Variants in ARL15 observed in about 807,000 individuals in gnomAD.
ARL15 encodes ADP-ribosylation factor-like protein 15.
A neutral mutation model predicts 25.2 loss-of-function variants in ARL15; 19 were observed. The observed-to-expected ratio is 0.75, with a 90% CI of 0.53 to 1.10. ARL15 has a LOEUF of 1.10. Among genes scored for constraint, ARL15 ranks in the 50% least tolerant of loss-of-function variants. The pLI is 0.00. For synonymous variants in ARL15, 94 were observed against 86.8 expected (o/e 1.08, Z -0.46); for missense variants, 220 against 246.0 (o/e 0.89, Z 0.71).
intron 1 of ARL15, among the ~76,000 whole-genome samples, chr5:54,206,227 C>A (rs1017510555): frequency 6.6e-6 from 1 of 152,116 alleles, no homozygotes; most frequent in Non-Finnish European, 1.5e-5. Flanking sequence ...TAGGACTTCT[C>A]GAAGCTTGAA....
intron 4 of ARL15, among the ~76,000 whole-genome samples, chr5:53,931,511 A>G (rs79040568): frequency 0.029 from 4,375 of 152,244 alleles, 243 homozygotes; most frequent in African/African-American, 0.1. Context: ...TTTAAGCTTT[A>G]AGAATAGTCT....
chr5:54,242,004 G>A (rs1031609237), intron 1 of ARL15, among the ~76,000 whole-genome samples: 2 of 152,036 alleles, frequency 1.3e-5, no homozygotes, highest in South Asian at 2.1e-4. Context: ...GGCAGAAATC[G>A]GGCTGAATGA....
At chr5:54,283,820 T>C (rs1306173982) in intron 1 of ARL15, among the ~76,000 whole-genome samples, 3 of 152,214 alleles carry the variant, frequency 2.0e-5, no homozygotes, top group Non-Finnish European at 4.4e-5. Flanking sequence ...GGTTAAGTGT[T>C]GTCCTGTGAC....
chr5:54,184,244 T>C (rs1441928067), intron 1 of ARL15, among the ~76,000 whole-genome samples: 1 of 42,824 alleles, frequency 2.3e-5, no homozygotes, highest in Admixed American at 3.8e-4. Context: ...AAACTTAAAG[T>C]ATAATAAAAA....
At chr5:54,022,194 T>A (rs1178110450) in intron 4 of ARL15, among the ~76,000 whole-genome samples, 1 of 152,076 alleles carries the variant, frequency 6.6e-6, no homozygotes, top group Non-Finnish European at 1.5e-5. Flanking sequence ...ACTGGAACAC[T>A]GGGAATAAGG....
At chr5:54,167,663 G>C (rs1009076867) in intron 2 of ARL15, among the ~76,000 whole-genome samples, 51 of 152,198 alleles carry the variant, frequency 3.4e-4, no homozygotes, top group African/African-American at 1.2e-3. Flanking sequence ...CTTTTCCCCT[G>C]ATGACCACCC....
rs1399283096 is a variant in ARL15, at chr5:53,885,255, AG to A, written c.*1305del. ...GCCACTTAGTATTTTAAGTGGTCAAAGTCTACAAAGTATGCCAAAGAATATT... is the reference window on the plus strand; with the variant it reads ...GCCACTTAGTATTTTAAGTGGTCAAATCTACAAAGTATGCCAAAGAATATT... On this transcript the variant is annotated 3_prime_UTR_variant, in exon 5 of 5. Transcript: ENST00000504924. 1.3e-5 allele frequency: 2 copies of A among 152,626 alleles called. No homozygotes were observed. Among genetic ancestry groups the A allele is most frequent in the Non-Finnish European group, 2.9e-5 (2 of 68,032 alleles). 9.5% of individuals were successfully genotyped at this position (152,626 alleles called of 1,614,324 possible).
chr5:54,221,202 G>A lies in ARL15; in HGVS notation c.49-49274C>T, dbSNP rs143953992. Among the ~76,000 whole-genome samples, 236 of 152,232 alleles carry A rather than the reference G, an allele frequency of 1.6e-3. 2 individuals are homozygous for A. The highest frequency in any genetic ancestry group is 2.3e-3 in the Non-Finnish European group (157 of 68,014). On this transcript the variant is annotated intron_variant, in intron 1 of 4. Transcript: ENST00000504924. ...TCTTGTATGTTAGGACTCAAAATAC[G>A]TACCTCAAGAGTTGTGGTACATTTC... is the stretch of plus-strand genomic sequence containing the variant.
At chr5:54,293,751 T>G (rs1321552751) in intron 1 of ARL15, among the ~76,000 whole-genome samples, 1 of 152,198 alleles carries the variant, frequency 6.6e-6, no homozygotes, top group Non-Finnish European at 1.5e-5. Flanking sequence ...TACCTGGCCT[T>G]CCTATGATCA....
intron 4 of ARL15, among the ~76,000 whole-genome samples, chr5:53,897,486 T>A (rs565716674): frequency 1.9e-4 from 29 of 152,350 alleles, no homozygotes; most frequent in African/African-American, 6.7e-4. Context: ...GTTTATCCAT[T>A]TATTGGTCGG....
intron 4 of ARL15, among the ~76,000 whole-genome samples, chr5:53,938,879 G>C (rs1038683326): frequency 6.6e-6 from 1 of 152,142 alleles, no homozygotes; most frequent in African/African-American, 2.4e-5. Context: ...AATTCTTATC[G>C]GTGTTTACAG....
At chr5:53,982,441 T>C (rs1430983327) in intron 4 of ARL15, among the ~76,000 whole-genome samples, 1 of 151,138 alleles carries the variant, frequency 6.6e-6, no homozygotes, top group East Asian at 2.0e-4. Flanking sequence ...AGGTGTTTGG[T>C]TTTTTGTTCC....
chr5:53,893,021 A>G (rs1249051954), intron 4 of ARL15, among the ~76,000 whole-genome samples: 1 of 152,232 alleles, frequency 6.6e-6, no homozygotes, highest in Non-Finnish European at 1.5e-5. Flanking sequence ...TGTTACAAAA[A>G]GAGTGGGACT....
intron 1 of ARL15, among the ~76,000 whole-genome samples, chr5:54,210,172 A>G (rs1755997140): frequency 6.6e-6 from 1 of 152,188 alleles, no homozygotes; most frequent in African/African-American, 2.4e-5. Flanking sequence ...GTTATTAAGT[A>G]TTCTTCTAAA....
At chr5:54,064,145 A>G (rs1374323740) in intron 4 of ARL15, among the ~76,000 whole-genome samples, 1 of 151,794 alleles carries the variant, frequency 6.6e-6, no homozygotes, top group Admixed American at 6.5e-5. Context: ...CTGCTGTGTA[A>G]CAACCAAGCA....
intron 4 of ARL15, among the ~76,000 whole-genome samples, chr5:54,054,463 A>C (rs1481902967): frequency 6.6e-6 from 1 of 152,214 alleles, no homozygotes; most frequent in East Asian, 1.9e-4. Flanking sequence ...TGAAAAATAT[A>C]AACTACATTC....
At chr5:54,262,075 G>A (rs547929302) in intron 1 of ARL15, among the ~76,000 whole-genome samples, 159 of 152,090 alleles carry the variant, frequency 1.0e-3, no homozygotes, top group African/African-American at 3.7e-3. Context: ...GCCATTTCTC[G>A]GAAGGATCTG....
intron 3 of ARL15, among the ~76,000 whole-genome samples, chr5:54,131,696 T>C (rs1191226049): frequency 1.3e-5 from 2 of 152,192 alleles, no homozygotes; most frequent in Non-Finnish European, 2.9e-5. Flanking sequence ...AACTTTTATG[T>C]GCCAAGTACT....
intron 4 of ARL15, among the ~76,000 whole-genome samples, chr5:53,895,782 A>T (rs1744851761): frequency 6.6e-6 from 1 of 152,174 alleles, no homozygotes; most frequent in African/African-American, 2.4e-5. Context: ...AACTCATTTT[A>T]TAATTCCATT....
Sources: gnomAD v4.1 joint callset for allele counts (sites outside exome capture counted in the v4.1 genomes callset) on GRCh38, gnomAD v4.1.1 for gene constraint, MANE v1.5 for transcripts, NCBI Gene and HGNC (gene_info 2026-07-23, HGNC 2026-07-21) for gene names.